ITIH2: variants seen among roughly 807,000 people sequenced by gnomAD.
ITIH2 encodes inter-alpha-trypsin inhibitor heavy chain H2.
ITIH2 carries 103 observed loss-of-function variants against 104.4 expected under a neutral mutation model. The observed-to-expected ratio is 0.99, with a 90% CI of 0.84 to 1.16. The LOEUF (loss-of-function observed/expected upper bound fraction) is 1.16. Among genes scored for constraint, ITIH2 ranks in the 50% most tolerant of loss-of-function variants. The probability of loss-of-function intolerance (pLI) is 0.00; values close to 1 mark genes in which losing one functional copy is unlikely to be tolerated. For synonymous variants in ITIH2, 436 were observed against 435.4 expected, an observed-to-expected ratio of 1.00 and a Z score of -0.02; for missense variants, 1,108 against 1,162.4, an observed-to-expected ratio of 0.95 and a Z score of 0.68.
intron 5 of ITIH2, among the ~76,000 whole-genome samples, chr10:7,716,596 C>T (rs1834851512): frequency 6.6e-6 from 1 of 151,736 alleles, no homozygotes; most frequent in South Asian, 2.1e-4. Flanking sequence ...ATTAGCTGGG[C>T]ATGGTGGCGC....
At chr10:7,741,144 G>C (rs1835119512) in intron 16 of ITIH2, among the ~76,000 whole-genome samples, 1 of 145,578 alleles carries the variant, frequency 6.9e-6, no homozygotes, top group Non-Finnish European at 1.5e-5. Context: ...TGTAGAGGAA[G>C]AAAGAGGATA....
At chr10:7,733,289 A>G (rs573035216) in intron 14 of ITIH2, among the ~76,000 whole-genome samples, 2 of 151,980 alleles carry the variant, frequency 1.3e-5, no homozygotes, top group Admixed American at 6.5e-5. Context: ...TGCTTCATGT[A>G]TCAGGCATGT....
chr10:7,748,953 A>G (rs74121642), intron 20 of ITIH2, among the ~76,000 whole-genome samples: 5,513 of 152,152 alleles, frequency 0.036, 334 homozygotes, highest in African/African-American at 0.13. Context: ...AAGCCCATAT[A>G]GGTCAACTCT....
At chr10:7,717,276 A>G (rs570159736) in intron 5 of ITIH2, among the ~76,000 whole-genome samples, 4 of 152,224 alleles carry the variant, frequency 2.6e-5, no homozygotes, top group African/African-American at 9.6e-5. Context: ...TTATCATCTG[A>G]AAAGTCAGGG....
chr10:7,742,146 T>C (rs1383114914), intron 16 of ITIH2, among the ~76,000 whole-genome samples: 1 of 152,204 alleles, frequency 6.6e-6, no homozygotes, highest in South Asian at 2.1e-4. Flanking sequence ...CTTATGTTTA[T>C]AGTTAACACC....
Position 7,746,654 on chromosome 10 carries a change from G to A in ITIH2, c.2643G>A (p.Glu881=). Residue 881 remains glutamate (E), a synonymous_variant, in exon 20 of 21, where the codon GAG becomes GAA. Transcript: ENST00000358415. Reference sequence around the variant, plus strand: ...ATGAGAGACCAGGAAAGGACCCTGAGAAGCCAGAGGCCAGCATGGAAGTGA... The same window carrying A: ...ATGAGAGACCAGGAAAGGACCCTGAAAAGCCAGAGGCCAGCATGGAAGTGA... ...IFNERPGKDP[E]KPEASMEVKG... is the part of the protein sequence containing the mutation. 4 of 1,614,026 alleles carry A rather than the reference G, an allele frequency of 2.5e-6. No homozygotes were observed. The South Asian group carries it at 3.3e-5, about 13-fold the overall frequency.
At chr10:7,703,668 C>T (rs183535315) in intron 1 of ITIH2, 150 bp downstream of exon 1, 2 of 607,750 alleles carry the variant, frequency 3.3e-6, no homozygotes, top group African/African-American at 3.7e-5. Flanking sequence ...GTTATAATTA[C>T]TGGAATGTAT....
intron 4 of ITIH2, among the ~76,000 whole-genome samples, chr10:7,710,773 A>G (rs957891083): frequency 2.0e-5 from 3 of 152,146 alleles, no homozygotes; most frequent in Non-Finnish European, 4.4e-5. Flanking sequence ...CTTTTCTAAA[A>G]AGCAAAGGGA....
chr10:7,731,227 T>C (rs1834999780), intron 12 of ITIH2, among the ~76,000 whole-genome samples: 1 of 152,004 alleles, frequency 6.6e-6, no homozygotes, highest in Non-Finnish European at 1.5e-5. Context: ...TCCTGCTGAC[T>C]TTTATCATAA....
At position 7,727,135 on chromosome 10, in the gene ITIH2, A is replaced by T. The variant is rs983357930; in HGVS notation, c.1153+17A>T. 1.2e-6 allele frequency: 2 copies of T among 1,602,386 alleles called. No homozygotes were observed. On this transcript the variant is annotated intron_variant, in intron 10 of 20. Coordinates refer to ENST00000358415, the MANE Select transcript of ITIH2 (RefSeq NM_002216.3). ...CCAGTGGAGGTGAGTGTGTTGGGCTAAATCCCAAGGAGACACTTCCTCTGG... is the reference window on the plus strand; with the variant it reads ...CCAGTGGAGGTGAGTGTGTTGGGCTTAATCCCAAGGAGACACTTCCTCTGG...
Position 7,746,249 on chromosome 10 carries a change from C to T in ITIH2, c.2582-344C>T, listed in dbSNP as rs368574285. Among the ~76,000 whole-genome samples, 478 of 151,200 alleles carry T rather than the reference C, an allele frequency of 3.2e-3. 2 individuals are homozygous for T. The highest frequency in any genetic ancestry group is 0.02 in the Middle Eastern group (6 of 294). The stretch of plus-strand genomic sequence containing the variant: ...AATTAGCCAGGCGTAGTGGCTCACG[C>T]CTGTGGTCCCAGCTACTTGGGAGGC... On this transcript the variant is annotated intron_variant, in intron 19 of 20. Transcript: ENST00000358415.
Position 7,734,967 on chromosome 10 carries a change from G to A in ITIH2, c.1833G>A (p.Ser611=), listed in dbSNP as rs368057084. ...TAAAKRRITR[S]ILQMSLDHHI... is the part of the protein sequence containing the mutation. ...CCGCCAAGAGAAGAATTACAAGATCGATCCTGCAGATGTCTCTAGACCACC... is the reference window on the plus strand; with the variant it reads ...CCGCCAAGAGAAGAATTACAAGATCAATCCTGCAGATGTCTCTAGACCACC... Residue 611 remains serine (S), a synonymous_variant, in exon 15 of 21, where the codon TCG becomes TCA. Coordinates refer to ENST00000358415, the MANE Select transcript of ITIH2 (RefSeq NM_002216.3). 3.3e-5 allele frequency: 54 copies of A among 1,613,566 alleles called. 1 individual carries two copies. The highest frequency in any genetic ancestry group is 1.9e-4 in the South Asian group (17 of 91,092).
At chr10:7,714,846 T>A (rs1834833062) in intron 5 of ITIH2, among the ~76,000 whole-genome samples, 1 of 152,146 alleles carries the variant, frequency 6.6e-6, no homozygotes, top group Non-Finnish European at 1.5e-5. Context: ...CCCAAGTAGA[T>A]TACAGCTGGC....
At chr10:7,734,004 T>C (rs768368409) in intron 14 of ITIH2, among the ~76,000 whole-genome samples, 1 of 151,872 alleles carries the variant, frequency 6.6e-6, no homozygotes, top group Non-Finnish European at 1.5e-5. Context: ...AAGTTAAATA[T>C]TGATTTTAAA....
chr10:7,736,087 C>T (rs1835053153), intron 15 of ITIH2, among the ~76,000 whole-genome samples: 2 of 152,106 alleles, frequency 1.3e-5, no homozygotes, highest in African/African-American at 4.8e-5. Context: ...AGAACCTGGC[C>T]AGTCATGGTG....
intron 15 of ITIH2, 22 bp from the exon 16 acceptor site, chr10:7,738,599 A>T (rs1476603202): frequency 6.2e-7 from 1 of 1,612,252 alleles, no homozygotes; most frequent in Non-Finnish European, 8.5e-7. Flanking sequence ...AGAAACTAAC[A>T]GATGCAGGTT....
rs765843254 is a variant in ITIH2 at position 7,709,225 on chromosome 10, G to C, written c.362+34G>C. 6 of 1,589,118 alleles carry C rather than the reference G, an allele frequency of 3.8e-6. No individual in the cohort carries two copies. In the South Asian group the frequency reaches 4.4e-5, roughly 12 times the overall value. On this transcript the variant is annotated intron_variant, in intron 4 of 20. Transcript: ENST00000358415. Reference sequence around the variant, plus strand: ...CTTCTGTGTAGAGCCAGAAATTGTAGGTGCTCTACTCACAGAATCAAAACC... The same window carrying C: ...CTTCTGTGTAGAGCCAGAAATTGTACGTGCTCTACTCACAGAATCAAAACC...
At chr10:7,728,565 C>CT (rs34966359) in intron 11 of ITIH2, among the ~76,000 whole-genome samples, 6,276 of 145,784 alleles carry the variant, frequency 0.043, 153 homozygotes, top group Middle Eastern at 0.13. Flanking sequence ...TTTTTTCTTT[C>CT]TTTTTTTTTT....
At chr10:7,704,066 C>G (rs781108975) in intron 1 of ITIH2, among the ~76,000 whole-genome samples, 1 of 152,176 alleles carries the variant, frequency 6.6e-6, no homozygotes, top group Non-Finnish European at 1.5e-5. Context: ...TGGAAAAGTA[C>G]AAGAATAATT....
Sources: allele counts gnomAD v4.1 joint callset (sites outside exome capture counted in the v4.1 genomes callset), GRCh38; gene constraint gnomAD v4.1.1; transcripts MANE v1.5; gene names NCBI Gene and HGNC (gene_info 2026-07-23, HGNC 2026-07-21).